The following NOTCH2NLR variants were observed in gnomAD, a reference collection of about 807,000 sequenced individuals.
NOTCH2NLR encodes the protein notch 2 N-terminal like R, also known as notch 2 N-terminal like R (pseudogene).
A neutral mutation model predicts 35.6 loss-of-function variants in NOTCH2NLR; 33 were observed. The observed-to-expected ratio is 0.93, with a 90% CI of 0.70 to 1.24. NOTCH2NLR has a LOEUF of 1.24. Ranked by LOEUF, NOTCH2NLR falls within the 50% of genes most tolerant of loss-of-function variation. The probability of loss-of-function intolerance (pLI) is 0.00; values close to 1 mark genes in which losing one functional copy is unlikely to be tolerated. For synonymous variants in NOTCH2NLR, 103 were observed against 141.0 expected (o/e 0.73, Z 1.91); for missense variants, 276 against 362.2 (o/e 0.76, Z 1.93).
intron 1 of NOTCH2NLR, among the ~76,000 whole-genome samples, chr1:120,744,960 AAAT>A (rs1175653808): frequency 3.8e-5 from 1 of 25,992 alleles, no homozygotes; most frequent in Non-Finnish European, 6.1e-5. Flanking sequence ...TCTTTACGAA[AAAT>A]AAAAAAATTA....
At chr1:120,724,825 G>A (rs1357450155) in intron 1 of NOTCH2NLR, among the ~76,000 whole-genome samples, 1 of 90,612 alleles carries the variant, frequency 1.1e-5, no homozygotes, top group Non-Finnish European at 2.1e-5. Context: ...CCGAAAGTCC[G>A]GGGGAGCCGT....
rs1650881794 is a variant in NOTCH2NLR, at chr1:120,733,128, TA to T, written c.73+8879del. On this transcript the variant is annotated intron_variant, in intron 1 of 4. Coordinates refer to ENST00000624419, the Ensembl canonical transcript of NOTCH2NLR. Reference sequence around the variant, plus strand: ...TGATTTATTTTTATATATATATATATATATGTTTAGTTTATGAACAGATCTA... The same window carrying T: ...TGATTTATTTTTATATATATATATATTATGTTTAGTTTATGAACAGATCTA... Among the ~76,000 whole-genome samples the T allele has an allele frequency of 2.4e-3, 221 of 92,866 alleles. 77 individuals are homozygous for T. The highest frequency in any genetic ancestry group is 0.015 in the African/African-American group (207 of 13,426). The allele number at this position is 92,866 out of a possible 152,430, so 60.9% of individuals were successfully genotyped here.
intron 2 of NOTCH2NLR, 92 bp downstream of exon 2, chr1:120,763,801 G>A: frequency 3.4e-6 from 2 of 589,324 alleles, no homozygotes; most frequent in Non-Finnish European, 6.1e-6. Flanking sequence ...TCTGTGGAAT[G>A]TTACTGGTTC....
rs1169402662 is a variant in NOTCH2NLR, at chr1:120,745,233, T to G, written c.74-18395T>G. The stretch of plus-strand genomic sequence containing the variant: ...CCATGGTTTTTTAAACTGCAGATCA[T>G]GACCACGAATGGGTCATGAAACCAA... On this transcript the variant is annotated intron_variant, in intron 1 of 4. Coordinates refer to ENST00000624419, the Ensembl canonical transcript of NOTCH2NLR. Among the ~76,000 whole-genome samples, 4 of 109,742 alleles carry G rather than the reference T, an allele frequency of 3.6e-5. 2 individuals carry two copies. Among genetic ancestry groups the G allele is most frequent in the African/African-American group, 2.2e-4 (4 of 18,230 alleles). 72.0% of individuals were successfully genotyped at this position (109,742 alleles called of 152,430 possible). A position where few individuals can be genotyped will look rare whatever the true frequency, so the allele number is the denominator to read the frequency against.
At position 120,756,713 on chromosome 1, in the gene NOTCH2NLR, T is replaced by C. The variant is rs1258918970; in HGVS notation, c.74-6915T>C. Among the ~76,000 whole-genome samples, 7 of 116,558 alleles carry C rather than the reference T, an allele frequency of 6.0e-5. 3 individuals carry two copies. Among genetic ancestry groups the C allele is most frequent in the Admixed American group, 4.0e-4 (5 of 12,372 alleles). 76.5% of individuals were successfully genotyped at this position (116,558 alleles called of 152,430 possible). ...GGGAGGCTTTTAAGCCAGTGATATGTAGCTGGTATGATACTGAAAAGCATT... is the reference window on the plus strand; with the variant it reads ...GGGAGGCTTTTAAGCCAGTGATATGCAGCTGGTATGATACTGAAAAGCATT... On this transcript the variant is annotated intron_variant, in intron 1 of 4. Coordinates refer to ENST00000624419, the Ensembl canonical transcript of NOTCH2NLR.
In NOTCH2NLR at chr1:120,756,018, A is replaced by T. The variant is rs1230193655; in HGVS notation, c.74-7610A>T. Among the ~76,000 whole-genome samples the T allele has an allele frequency of 1.8e-5, 2 of 112,650 alleles. 1 individual carries two copies. Among genetic ancestry groups the T allele is most frequent in the Admixed American group, 1.7e-4 (2 of 11,690 alleles). The allele number at this position is 112,650 out of a possible 152,430, so 73.9% of individuals were successfully genotyped here. On this transcript the variant is annotated intron_variant, in intron 1 of 4. Transcript: ENST00000624419. ...TGTTTCTCCACTTCGTTTTTATTTAAATGTACCACTTGGGATTTGAAGCTT... is the reference window on the plus strand; with the variant it reads ...TGTTTCTCCACTTCGTTTTTATTTATATGTACCACTTGGGATTTGAAGCTT...
In NOTCH2NLR at chr1:120,767,974, T is replaced by G. The variant is rs1387705831; in HGVS notation, c.155+4265T>G. On this transcript the variant is annotated intron_variant, in intron 2 of 4. Transcript: ENST00000624419. The stretch of plus-strand genomic sequence containing the variant: ...TATCAACTGCTCCTTCTTTGGACCA[T>G]GGGTATGACTTCCCTTTACTTTACA... Among the ~76,000 whole-genome samples the G allele has an allele frequency of 2.6e-5, 3 of 117,030 alleles. 1 individual carries two copies. The South Asian group carries it at 7.5e-4, about 29-fold the overall frequency. 76.8% of individuals were successfully genotyped at this position (117,030 alleles called of 152,430 possible).
rs1357838637 is a variant in NOTCH2NLR, at chr1:120,790,534, C to CCCTT, written c.416-2626_416-2623dup. On this transcript the variant is annotated intron_variant, in intron 3 of 4. Coordinates refer to ENST00000624419, the Ensembl canonical transcript of NOTCH2NLR. ...GTTGATTCTTTCTTTCTTTCTCCCT[C>CCCTT]CCTTTCTTTCTTTCTTTCTTTCTTT... Among the ~76,000 whole-genome samples the CCCTT allele has an allele frequency of 6.7e-4, 59 of 87,704 alleles. 15 individuals carry two copies. In the East Asian group the frequency reaches 8.7e-3, roughly 13 times the overall value. The allele number at this position is 87,704 out of a possible 152,430, so 57.5% of individuals were successfully genotyped here.
In NOTCH2NLR at chr1:120,756,725, T is replaced by C. The variant is rs1352508087; in HGVS notation, c.74-6903T>C. ...AGCCAGTGATATGTAGCTGGTATGA[T>C]ACTGAAAAGCATTGGAAAACTTAGG... On this transcript the variant is annotated intron_variant, in intron 1 of 4. Coordinates refer to ENST00000624419, the Ensembl canonical transcript of NOTCH2NLR. 1.0e-4 allele frequency among the ~76,000 whole-genome samples: 12 copies of C among 116,028 alleles called. 1 individual carries two copies. The highest frequency in any genetic ancestry group is 1.8e-4 in the Non-Finnish European group (11 of 60,896). The allele number at this position is 116,028 out of a possible 152,430, so 76.1% of individuals were successfully genotyped here. A position where few individuals can be genotyped will look rare whatever the true frequency, so the allele number is the denominator to read the frequency against.
At chr1:120,764,502 G>C (rs1458984773) in intron 2 of NOTCH2NLR, among the ~76,000 whole-genome samples, 4 of 91,374 alleles carry the variant, frequency 4.4e-5, no homozygotes, top group Non-Finnish European at 8.3e-5. Context: ...TGTAGATTGA[G>C]GGGGAGCAGG....
downstream of NOTCH2NLR, among the ~76,000 whole-genome samples, chr1:120,794,148 T>A (rs1222516806): frequency 1.7e-5 from 2 of 114,516 alleles, 1 homozygote; most frequent in South Asian, 5.1e-4. Context: ...TGAGAGACTA[T>A]GTGTGGCACA....
rs1318000829 is a variant in NOTCH2NLR, at chr1:120,728,426, C to T, written c.73+4176C>T. 4.5e-5 allele frequency among the ~76,000 whole-genome samples: 5 copies of T among 111,346 alleles called. 2 individuals carry two copies. The highest frequency in any genetic ancestry group is 1.1e-4 in the African/African-American group (2 of 18,054). The allele number at this position is 111,346 out of a possible 152,430, so 73.0% of individuals were successfully genotyped here. A position where few individuals can be genotyped will look rare whatever the true frequency, so the allele number is the denominator to read the frequency against. On this transcript the variant is annotated intron_variant, in intron 1 of 4. Transcript: ENST00000624419. ...CCCTTCCCCAGATGTTTCATTTAAACTTGTAATTTTGAATTTCTTTGTGTG... is the reference window on the plus strand; with the variant it reads ...CCCTTCCCCAGATGTTTCATTTAAATTTGTAATTTTGAATTTCTTTGTGTG...
chr1:120,743,606 CT>C (rs1650954136), intron 1 of NOTCH2NLR, among the ~76,000 whole-genome samples: 1 of 105,546 alleles, frequency 9.5e-6, no homozygotes, highest in Admixed American at 9.7e-5. Context: ...TAAATAAGGT[CT>C]TGTTGTTTTG....
At chr1:120,791,743 A>G (rs1440582708) in intron 3 of NOTCH2NLR, among the ~76,000 whole-genome samples, 1 of 66,750 alleles carries the variant, frequency 1.5e-5, no homozygotes, top group Non-Finnish European at 2.5e-5. Flanking sequence ...ACATATATAC[A>G]TATGTAACAA....
chr1:120,785,277 A>G (rs1334284191), intron 3 of NOTCH2NLR, 44 bp downstream of exon 3: 2 of 1,422,410 alleles, frequency 1.4e-6, no homozygotes, highest in East Asian at 2.3e-5. Context: ...CCTTCAGCAG[A>G]TACCTTTATT....
chr1:120,755,579 T>G, intron 1 of NOTCH2NLR, among the ~76,000 whole-genome samples: 1 of 77,450 alleles, frequency 1.3e-5, no homozygotes, highest in Middle Eastern at 5.9e-3. Context: ...GATTTTTTTT[T>G]GCAATAAGTT....
chr1:120,755,972 A>G lies in NOTCH2NLR; in HGVS notation c.74-7656A>G, dbSNP rs1430974752. ...TTTTTTTTTCCTTTCAATCAAGACA[A>G]ATTTCAAGGAGGAAGACAGATGTTT... On this transcript the variant is annotated intron_variant, in intron 1 of 4. Transcript: ENST00000624419. Among the ~76,000 whole-genome samples the G allele has an allele frequency of 4.5e-5, 5 of 109,980 alleles. 1 individual carries two copies. Among genetic ancestry groups the G allele is most frequent in the Non-Finnish European group, 6.8e-5 (4 of 58,624 alleles). The allele number at this position is 109,980 out of a possible 152,430, so 72.2% of individuals were successfully genotyped here. A position where few individuals can be genotyped will look rare whatever the true frequency, so the allele number is the denominator to read the frequency against.
chr1:120,770,062 C>A (rs1167695341), intron 2 of NOTCH2NLR, among the ~76,000 whole-genome samples: 1 of 116,538 alleles, frequency 8.6e-6, no homozygotes, highest in Non-Finnish European at 1.8e-5. Context: ...ATCAGTACTA[C>A]TGATTTTTTC....
Position 120,724,014 on chromosome 1 carries a change from C to A in NOTCH2NLR, c.-164C>A, listed in dbSNP as rs1221069298. On this transcript the variant is annotated 5_prime_UTR_variant, in exon 1 of 5. Transcript: ENST00000624419. The stretch of plus-strand genomic sequence containing the variant: ...GGACTCGGGGCGCGGGGAGTCGAGG[C>A]ATTTGCACCTGGGCTTCGGAGCGTA... 5.7e-6 allele frequency: 7 copies of A among 1,232,852 alleles called. 3 individuals are homozygous for A. The highest frequency in any genetic ancestry group is 7.1e-6 in the Non-Finnish European group (7 of 981,940). The allele number at this position is 1,232,852 out of a possible 1,614,324, so 76.4% of individuals were successfully genotyped here. A position where few individuals can be genotyped will look rare whatever the true frequency, so the allele number is the denominator to read the frequency against.
Sources: allele counts gnomAD v4.1 joint callset (sites outside exome capture counted in the v4.1 genomes callset), GRCh38; gene constraint gnomAD v4.1.1; transcripts MANE v1.5; gene names NCBI Gene and HGNC (gene_info 2026-07-23, HGNC 2026-07-21).